AP5Z1: variants seen among roughly 807,000 people sequenced by gnomAD.
AP5Z1 encodes adaptor related protein complex 5 subunit zeta 1.
Under a neutral mutation model 83.0 loss-of-function variants are expected in AP5Z1, and 106 were observed. The observed-to-expected ratio is 1.28, with a 90% CI of 1.09 to 1.50. AP5Z1 has a LOEUF of 1.50. AP5Z1 is among the 40% of genes most tolerant of loss of function. The pLI is 0.00. For missense variants in AP5Z1, 1,565 were observed against 1,094.2 expected, an observed-to-expected ratio of 1.43 and a Z score of -6.07; for synonymous variants, 751 against 514.1, an observed-to-expected ratio of 1.46 and a Z score of -6.23.
rs147369435 is a variant in AP5Z1 at position 4,791,248 on chromosome 7, G to A, written c.2287G>A (p.Val763Met). ...ELLTLLKMPS[V>M]AQFVLTPSTE... is the part of the protein sequence containing the mutation. ...GCTGACCCTGCTGAAGATGCCTAGC[G>A]TGGCCCAGTTTGTGCTCACACCCAG... The change falls in exon 17 of 17, where the codon GTG becomes ATG. Residue 763 changes from valine (V) to methionine (M), a missense_variant. By Grantham distance (21) the Val-to-Met change is conservative (BLOSUM62 1). Transcript: ENST00000649063. The A allele has an allele frequency of 9.9e-5, 159 of 1,612,768 alleles. No homozygotes were observed. In the Middle Eastern group the frequency reaches 1.3e-3, roughly 13 times the overall value.
In AP5Z1 at chr7:4,782,354, G is replaced by T. The variant is rs529393040; in HGVS notation, c.366+600G>T. Among the ~76,000 whole-genome samples the T allele has an allele frequency of 1.8e-4, 27 of 152,266 alleles. No homozygotes were observed. The South Asian group carries it at 5.2e-3, about 29-fold the overall frequency. ...CCATGTCCTCCCTCCCTCTGTGTCG[G>T]GAGCAGGCCTGGGCACTCAGCGTGG... On this transcript the variant is annotated intron_variant, in intron 3 of 16. Transcript: ENST00000649063.
chr7:4,784,092 G>C (rs116181510), intron 5 of AP5Z1, 111 bp from the exon 6 acceptor site: 6 of 1,331,120 alleles, frequency 4.5e-6, no homozygotes, highest in Non-Finnish European at 6.1e-6. Context: ...GCCGCTGCCC[G>C]GGCTCATGTT....
At chr7:4,776,019 G>C (rs1029269909) in intron 1 of AP5Z1, among the ~76,000 whole-genome samples, 2 of 152,168 alleles carry the variant, frequency 1.3e-5, no homozygotes, top group African/African-American at 4.8e-5. Flanking sequence ...GGACCCAGTC[G>C]ACAGTTTAGT....
At position 4,792,645 on chromosome 7, in the gene AP5Z1, G is replaced by C. The variant is rs1183570786; in HGVS notation, c.*1260G>C. 1 of 152,218 alleles carries C rather than the reference G, an allele frequency of 6.6e-6. No homozygotes were observed. The highest frequency in any genetic ancestry group is 1.5e-5 in the Non-Finnish European group (1 of 68,044). The allele number at this position is 152,218 out of a possible 1,614,324, so 9.4% of individuals were successfully genotyped here. A position where few individuals can be genotyped will look rare whatever the true frequency, so the allele number is the denominator to read the frequency against. Reference sequence around the variant, plus strand: ...TCGCGTTCCGAGCTCCAGGACGGCTGGTGTCCCCCGCGGCCTGCGATGACA... The same window carrying C: ...TCGCGTTCCGAGCTCCAGGACGGCTCGTGTCCCCCGCGGCCTGCGATGACA... On this transcript the variant is annotated 3_prime_UTR_variant, in exon 17 of 17. Coordinates refer to ENST00000649063, the MANE Select transcript of AP5Z1 (RefSeq NM_014855.3).
intron 9 of AP5Z1, 117 bp downstream of exon 9, chr7:4,785,801 C>T (rs1226907033): frequency 7.8e-5 from 102 of 1,307,094 alleles, no homozygotes; most frequent in Middle Eastern, 2.8e-4. Context: ...AGACAGGGGT[C>T]TTGCTGTGTT....
chr7:4,787,924 C>T (rs1781606592), intron 11 of AP5Z1, 148 bp downstream of exon 11: 8 of 1,204,698 alleles, frequency 6.6e-6, no homozygotes, highest in East Asian at 2.6e-5. Context: ...GCAAAGCCAC[C>T]TCTAGGACAG....
intron 1 of AP5Z1, among the ~76,000 whole-genome samples, chr7:4,776,562 CAAAAAA>C (rs55916241): frequency 0.11 from 9,397 of 82,388 alleles, 920 homozygotes; most frequent in African/African-American, 0.28. Context: ...ACTGAAAATA[CAAAAAA>C]AAAAAAAAAA....
At chr7:4,787,944 G>C (rs1016645986) in intron 11 of AP5Z1, among the ~76,000 whole-genome samples, 168 bp downstream of exon 11, 1 of 152,044 alleles carries the variant, frequency 6.6e-6, no homozygotes, top group African/African-American at 2.4e-5. Flanking sequence ...GGGTGTGTCT[G>C]TCACCCTTGG....
chr7:4,787,850 GCTC>G, intron 11 of AP5Z1, 74 bp downstream of exon 11: 1 of 1,459,598 alleles, frequency 6.9e-7, no homozygotes, highest in Non-Finnish European at 9.1e-7. Context: ...CCTCCTCGCT[GCTC>G]CTGACCCCTA....
chr7:4,785,223 G>A (rs1213781147), intron 7 of AP5Z1, among the ~76,000 whole-genome samples, 175 bp downstream of exon 7: 1 of 152,170 alleles, frequency 6.6e-6, no homozygotes, highest in African/African-American at 2.4e-5. Context: ...TGTTCTTCAG[G>A]CTCCACCCCA....
At position 4,787,574 on chromosome 7, in the gene AP5Z1, C is replaced by T. The variant is rs76362016; in HGVS notation, c.1312-60C>T. 2,840 of 1,517,260 alleles carry T rather than the reference C, an allele frequency of 1.9e-3. 37 individuals carry two copies. The African/African-American group carries it at 0.032, about 17-fold the overall frequency. The allele number at this position is 1,517,260 out of a possible 1,614,324, so 94.0% of individuals were successfully genotyped here. A position where few individuals can be genotyped will look rare whatever the true frequency, so the allele number is the denominator to read the frequency against. On this transcript the variant is annotated intron_variant, in intron 10 of 16. Coordinates refer to ENST00000649063, the MANE Select transcript of AP5Z1 (RefSeq NM_014855.3). Reference sequence around the variant, plus strand: ...AGCTGTGGGGCCCTAGCTGGCTCCTCCCTCTGCCGCCTGCTCCACAGCTCC... The same window carrying T: ...AGCTGTGGGGCCCTAGCTGGCTCCTTCCTCTGCCGCCTGCTCCACAGCTCC...
chr7:4,791,370 C>A lies in AP5Z1; in HGVS notation c.2409C>A (p.Gly803=), dbSNP rs746879323. ...GCCGGCTGGTGGAGAGGGAGGCCGG[C>A]CTCATGCCAGGGTGAAGGGACAGTG... is the stretch of plus-strand genomic sequence containing the variant. ...TVSRLVEREA[G]LMPG Residue 803 remains glycine, a synonymous_variant, in exon 17 of 17, where the codon GGC becomes GGA. Coordinates refer to ENST00000649063, the MANE Select transcript of AP5Z1 (RefSeq NM_014855.3). 6 of 1,606,542 alleles carry A rather than the reference C, an allele frequency of 3.7e-6. No individual in the cohort carries two copies. The highest frequency in any genetic ancestry group is 5.1e-6 in the Non-Finnish European group (6 of 1,177,026).
chr7:4,776,485 G>T (rs947773793), intron 1 of AP5Z1, among the ~76,000 whole-genome samples: 2 of 151,654 alleles, frequency 1.3e-5, no homozygotes, highest in African/African-American at 4.9e-5. Flanking sequence ...GGGAGGCCAA[G>T]GCAGGCGGAT....
chr7:4,783,561 C>T (rs1037344864), intron 4 of AP5Z1, 101 bp downstream of exon 4: 2 of 1,537,578 alleles, frequency 1.3e-6, no homozygotes, highest in African/African-American at 2.7e-5. Flanking sequence ...AGGTGGGGGA[C>T]ACGGGGAGGC....
chr7:4,785,546 C>CT lies in AP5Z1; in HGVS notation c.995dup (p.Asp333GlyfsTer77). 1 of 1,612,566 alleles carries CT rather than the reference C, an allele frequency of 6.2e-7. No individual in the cohort carries two copies. Among genetic ancestry groups the CT allele is most frequent in the South Asian group, 1.1e-5 (1 of 90,872 alleles). On this transcript the variant is annotated frameshift_variant, in exon 9 of 17. Transcript: ENST00000649063. LOFTEE classifies it high-confidence loss of function. ...GTGCCTGGTGGAGGCCGTGCTGGTGCTGGACGTGCTGTGCCGGCAGGACCC... is the reference window on the plus strand; with the variant it reads ...GTGCCTGGTGGAGGCCGTGCTGGTGCTTGGACGTGCTGTGCCGGCAGGACCC...
Position 4,791,456 on chromosome 7 carries a change from G to C in AP5Z1, c.*71G>C. ...GCCAGCTTGCTACTGAGGCCAGGCT[G>C]ATAGGAGCTCAGGAGGGCGCGGGAG... On this transcript the variant is annotated 3_prime_UTR_variant, in exon 17 of 17. Transcript: ENST00000649063. 1 of 1,507,722 alleles carries C rather than the reference G, an allele frequency of 6.6e-7. No homozygotes were observed. Among genetic ancestry groups the C allele is most frequent in the East Asian group, 2.4e-5 (1 of 40,890 alleles). The allele number at this position is 1,507,722 out of a possible 1,614,324, so 93.4% of individuals were successfully genotyped here.
At position 4,783,405 on chromosome 7, in the gene AP5Z1, C is replaced by A. The variant is rs776636983; in HGVS notation, c.456C>A (p.His152Gln). Residue 152 changes from histidine (H) to glutamine (Q), a missense_variant, in exon 4 of 17, where the codon CAC becomes CAA. By Grantham distance (24) the His-to-Gln change is conservative (BLOSUM62 0). Transcript: ENST00000649063. ...SRQPEGPSLR[H>Q]LLPVMAKVVV... ...AGCCTGAGGGACCCAGCCTCAGACA[C>A]CTCCTCCCCGTCATGGCCAAGGTCG... 3 of 1,613,196 alleles carry A rather than the reference C, an allele frequency of 1.9e-6. No individual in the cohort carries two copies. Among genetic ancestry groups the A allele is most frequent in the South Asian group, 1.1e-5 (1 of 91,074 alleles).
chr7:4,787,760 C>A lies in AP5Z1; in HGVS notation c.1438C>A (p.Leu480Met). Reference sequence around the variant, plus strand: ...GGACCTGCCCTGCTTGACGGCGGTGCTGGACCTGCAGCTCAGGTGGGCCCC... The same window carrying A: ...GGACCTGCCCTGCTTGACGGCGGTGATGGACCTGCAGCTCAGGTGGGCCCC... ...LLDLPCLTAV[L>M]DLQLRSAPAA... Residue 480 changes from leucine to methionine, a missense_variant, in exon 11 of 17, where the codon CTG becomes ATG. Transcript: ENST00000649063. 6.5e-7 allele frequency: 1 copy of A among 1,539,110 alleles called. No homozygotes were observed.
At position 4,781,037 on chromosome 7, in the gene AP5Z1, A is replaced by G. The variant is rs374478100; in HGVS notation, c.42-138A>G. 25 of 1,130,544 alleles carry G rather than the reference A, an allele frequency of 2.2e-5. No individual in the cohort carries two copies. In the African/African-American group the frequency reaches 3.0e-4, roughly 13 times the overall value. 70.0% of individuals were successfully genotyped at this position (1,130,544 alleles called of 1,614,324 possible). Reference sequence around the variant, plus strand: ...AATCAGCGAATTTATCTCGAGAGCCATGAGCCGTGGAACCGTGTTCCTCCA... The same window carrying G: ...AATCAGCGAATTTATCTCGAGAGCCGTGAGCCGTGGAACCGTGTTCCTCCA... On this transcript the variant is annotated intron_variant, in intron 1 of 16. Transcript: ENST00000649063.
Sources: gnomAD v4.1 joint callset for allele counts (sites outside exome capture counted in the v4.1 genomes callset) on GRCh38, gnomAD v4.1.1 for gene constraint, MANE v1.5 for transcripts, NCBI Gene and HGNC (gene_info 2026-07-23, HGNC 2026-07-21) for gene names.